Variants in ACLY observed in about 807,000 individuals in gnomAD.
ACLY encodes ATP-citrate synthase.
In ACLY, 41 loss-of-function variants were observed where a neutral mutation model predicts 133.0. That is an observed-to-expected ratio of 0.31 (90% confidence interval 0.24 to 0.40). ACLY has a LOEUF of 0.40. Ranked by LOEUF, ACLY falls within the 10% of genes least tolerant of loss-of-function variation. The pLI is 1.00. For synonymous variants in ACLY, 495 were observed against 549.3 expected (o/e 0.90, Z 1.38); for missense variants, 1,046 against 1,453.8 (o/e 0.72, Z 4.56).
intron 1 of ACLY, among the ~76,000 whole-genome samples, chr17:41,915,808 C>G (rs1471702048): frequency 2.6e-5 from 4 of 152,120 alleles, no homozygotes; most frequent in African/African-American, 4.8e-5. Context: ...GCCCCCACCC[C>G]CTTCCAAAGA....
upstream of ACLY, among the ~76,000 whole-genome samples, chr17:41,921,994 G>A (rs2050189183): frequency 6.6e-6 from 1 of 152,094 alleles, no homozygotes; most frequent in Admixed American, 6.5e-5. Flanking sequence ...CCAGGAGTTC[G>A]AGACCAGCCT....
At chr17:41,873,176 T>C (rs1555625411) in intron 23 of ACLY, among the ~76,000 whole-genome samples, 2 of 134,012 alleles carry the variant, frequency 1.5e-5, no homozygotes, top group Non-Finnish European at 3.3e-5. Context: ...CACAAGGTAC[T>C]TTTTTTTTTT....
intron 24 of ACLY, 96 bp from the exon 25 acceptor site, chr17:41,871,928 GGTTTT>G: frequency 6.3e-7 from 1 of 1,593,018 alleles, no homozygotes; most frequent in Admixed American, 1.7e-5. Flanking sequence ...CTGAGCACTG[GGTTTT>G]ACACTCAGGG....
rs1259485982 is a variant in ACLY, at chr17:41,906,379, A to G, written c.866+149T>C. Reference sequence around the variant, plus strand: ...ACTGGGTGCAGGACAGGCCCTCACCAACATCCCTCGAAGCCCTCTGGGATG... The same window carrying G: ...ACTGGGTGCAGGACAGGCCCTCACCGACATCCCTCGAAGCCCTCTGGGATG... On this transcript the variant is annotated intron_variant, in intron 8 of 28. Coordinates refer to ENST00000352035, the MANE Select transcript of ACLY (RefSeq NM_001096.3). 1.0e-5 allele frequency: 7 copies of G among 668,948 alleles called. No individual in the cohort carries two copies. The East Asian group carries it at 1.6e-4, about 15-fold the overall frequency. 41.4% of individuals were successfully genotyped at this position (668,948 alleles called of 1,614,324 possible).
upstream of ACLY, chr17:41,919,156 G>T (rs1555635084): frequency 2.0e-6 from 2 of 1,014,992 alleles, no homozygotes; most frequent in East Asian, 7.8e-5. Context: ...AGTCCCGCTG[G>T]CCCATCCACC....
intron 13 of ACLY, 138 bp from the exon 14 acceptor site, chr17:41,896,787 C>T: frequency 1.5e-6 from 1 of 674,530 alleles, no homozygotes; most frequent in Non-Finnish European, 2.4e-6. Context: ...TCCTGTTCTG[C>T]AATGGACAAC....
chr17:41,890,197 G>A (rs2049166554), intron 16 of ACLY, among the ~76,000 whole-genome samples: 2 of 152,114 alleles, frequency 1.3e-5, no homozygotes, highest in Non-Finnish European at 1.5e-5. Flanking sequence ...TCTAGAAAAG[G>A]GGGTAGATAA....
chr17:41,872,617 C>A (rs2048624943), intron 23 of ACLY, among the ~76,000 whole-genome samples: 2 of 152,190 alleles, frequency 1.3e-5, no homozygotes, highest in South Asian at 2.1e-4. Flanking sequence ...GCATGAGCCA[C>A]CGCGCCCGGC....
chr17:41,897,665 A>G, intron 13 of ACLY, 84 bp downstream of exon 13: 1 of 1,327,966 alleles, frequency 7.5e-7, no homozygotes. Context: ...CTGCCAGCCC[A>G]GGGGGGAAAG....
At chr17:41,921,701 G>A (rs1008221628), upstream of ACLY, among the ~76,000 whole-genome samples, 4 of 152,070 alleles carry the variant, frequency 2.6e-5, no homozygotes, top group Admixed American at 2.6e-4. Flanking sequence ...TGGGCATGCT[G>A]GCTCACGCCT....
chr17:41,908,860 C>T, intron 6 of ACLY, 129 bp downstream of exon 6: 1 of 745,280 alleles, frequency 1.3e-6, no homozygotes, highest in Non-Finnish European at 2.4e-6. Flanking sequence ...CATGGGGACC[C>T]CTCTGCTTGT....
chr17:41,901,871 T>C (rs1555631695), intron 10 of ACLY, 58 bp from the exon 11 acceptor site: 2 of 1,332,560 alleles, frequency 1.5e-6, no homozygotes, highest in Non-Finnish European at 2.1e-6. Context: ...CAATGATTTA[T>C]AACCGTGATA....
At chr17:41,918,450 A>C (rs2050114746) in intron 1 of ACLY, among the ~76,000 whole-genome samples, 1 of 152,178 alleles carries the variant, frequency 6.6e-6, no homozygotes, top group Non-Finnish European at 1.5e-5. Context: ...TCGGAGTGGG[A>C]CCAGTCGCCA....
At chr17:41,923,280 G>A (rs2050203762), upstream of ACLY, among the ~76,000 whole-genome samples, 1 of 152,180 alleles carries the variant, frequency 6.6e-6, no homozygotes, top group Non-Finnish European at 1.5e-5. Flanking sequence ...AGAATACAGA[G>A]GGTTATAGGC....
rs370055959 is a variant in ACLY, at chr17:41,887,664, C to A, written c.1810G>T (p.Ala604Ser). 4 of 1,613,766 alleles carry A rather than the reference C, an allele frequency of 2.5e-6. No individual in the cohort carries two copies. The East Asian group carries it at 6.7e-5, about 27-fold the overall frequency. Reference protein sequence around the residue: ...IAIIAEGIPEALTRKLIKKAD... With the variant: ...IAIIAEGIPESLTRKLIKKAD... ...TTCTTGATCAGCTTTCTCGTGAGGG[C>A]CTCAGGGATGCCTTCAGCTATGATG... is the stretch of plus-strand genomic sequence containing the variant. The change falls in exon 17 of 29, where the codon GCC (alanine) becomes TCC (serine). Residue 604 changes from alanine to serine, a missense_variant. Ala to Ser is a moderately conservative substitution (Grantham distance 99). Around this residue, in one of 4 missense-constraint regions of ACLY, gnomAD observed 575 missense variants for 804.2 expected, o/e 0.71. Coordinates refer to ENST00000352035, the MANE Select transcript of ACLY (RefSeq NM_001096.3).
intron 1 of ACLY, among the ~76,000 whole-genome samples, chr17:41,916,137 T>C (rs1316107774): frequency 6.6e-6 from 1 of 152,048 alleles, no homozygotes; most frequent in Non-Finnish European, 1.5e-5. Flanking sequence ...GGAAGGGGGA[T>C]AGGAGAGAAG....
upstream of ACLY, among the ~76,000 whole-genome samples, chr17:41,921,488 A>C (rs1251808816): frequency 1.0e-4 from 15 of 150,174 alleles, no homozygotes; most frequent in Non-Finnish European, 1.9e-4. Flanking sequence ...AGAAAAAAAA[A>C]AAAAAAACAA....
chr17:41,884,042 G>A (rs973348386), intron 19 of ACLY, 151 bp downstream of exon 19: 7 of 605,042 alleles, frequency 1.2e-5, no homozygotes, highest in Non-Finnish European at 2.0e-5. Flanking sequence ...AGTACTAATA[G>A]TGACAACCTT....
chr17:41,918,391 A>G (rs1555634854), intron 1 of ACLY, among the ~76,000 whole-genome samples: 1 of 152,180 alleles, frequency 6.6e-6, no homozygotes, highest in Non-Finnish European at 1.5e-5. Context: ...GTGGAGCTCA[A>G]TTTTGTACCC....
Sources: allele counts gnomAD v4.1 joint callset (sites outside exome capture counted in the v4.1 genomes callset), GRCh38; gene constraint gnomAD v4.1.1; regional missense constraint gnomAD v4.1.1; transcripts MANE v1.5; gene names NCBI Gene and HGNC (gene_info 2026-07-23, HGNC 2026-07-21).